The following PASK variants were observed in gnomAD, a reference collection of about 807,000 sequenced individuals.
PASK encodes the protein PAS domain containing serine/threonine kinase, also known as PAS domain-containing serine/threonine-protein kinase.
Under a neutral mutation model 121.0 loss-of-function variants are expected in PASK, and 110 were observed. That is an observed-to-expected ratio of 0.91 (90% CI 0.78 to 1.06). The LOEUF (loss-of-function observed/expected upper bound fraction) is 1.06, where lower values mean the gene tolerates loss of function less well. PASK is among the 50% of genes least tolerant of loss of function. The pLI is 0.00. For missense variants in PASK, 1,643 were observed against 1,702.3 expected (o/e 0.97, Z 0.61); for synonymous variants, 686 against 717.8 (o/e 0.96, Z 0.71).
At chr2:241,138,833 CCCAAA>C in intron 4 of PASK, 39 bp from the exon 5 acceptor site, 1 of 1,610,998 alleles carries the variant, frequency 6.2e-7, no homozygotes, top group Non-Finnish European at 8.5e-7. Flanking sequence ...ATGCCATGAA[CCCAAA>C]AGACCAGTAT....
intron 1 of PASK, among the ~76,000 whole-genome samples, chr2:241,147,192 A>G (rs1004823221): frequency 1.7e-4 from 26 of 152,346 alleles, no homozygotes; most frequent in African/African-American, 5.8e-4. Context: ...ACCTATAGAC[A>G]AAGCTCAGGA....
rs2066992557 is a variant in PASK, at chr2:241,147,144, A to C, written c.-43+2270T>G. ...TGCCATAATAAATAACAATGACATG[A>C]TTATAGTGTGAGGCAGTTTTTTCTA... is the stretch of plus-strand genomic sequence containing the variant. On this transcript the variant is annotated intron_variant, in intron 1 of 17. Coordinates refer to ENST00000234040, the MANE Select transcript of PASK (RefSeq NM_015148.4). 2.6e-5 allele frequency among the ~76,000 whole-genome samples: 4 copies of C among 152,308 alleles called. 1 individual carries two copies. In the South Asian group the frequency reaches 8.3e-4, roughly 32 times the overall value.
At position 241,132,859 on chromosome 2, in the gene PASK, C is replaced by T. The variant is rs1171661695; in HGVS notation, c.1463+15G>A. Reference sequence around the variant, plus strand: ...GACTTTTAGTAAACCTGCAACCTCCCACCAAGGGACTTACCCTGGAGCAGG... The same window carrying T: ...GACTTTTAGTAAACCTGCAACCTCCTACCAAGGGACTTACCCTGGAGCAGG... On this transcript the variant is annotated intron_variant, in intron 9 of 17. Coordinates refer to ENST00000234040, the MANE Select transcript of PASK (RefSeq NM_015148.4). The T allele has an allele frequency of 6.2e-7, 1 of 1,610,372 alleles. No homozygotes were observed. The highest frequency in any genetic ancestry group is 8.5e-7 in the Non-Finnish European group (1 of 1,176,572).
At chr2:241,148,024 G>A (rs1350055782) in intron 1 of PASK, among the ~76,000 whole-genome samples, 4 of 152,190 alleles carry the variant, frequency 2.6e-5, no homozygotes, top group Non-Finnish European at 4.4e-5. Context: ...AAAGAACAGA[G>A]TCTGGCTTCA....
intron 12 of PASK, chr2:241,118,728 C>T (rs1385236446): frequency 9.0e-6 from 2 of 223,462 alleles, no homozygotes; most frequent in Non-Finnish European, 1.8e-5. Flanking sequence ...TCCCAGTCTT[C>T]AGGAGCCCCC....
At chr2:241,139,431 C>A in intron 4 of PASK, 1 of 443,504 alleles carries the variant, frequency 2.3e-6, no homozygotes, top group Non-Finnish European at 4.7e-6. Flanking sequence ...CCAGGTTGGA[C>A]ACATGGCACA....
In PASK at chr2:241,115,084, G is replaced by A; in HGVS notation, c.3292C>T (p.Pro1098Ser). The A allele has an allele frequency of 6.2e-7, 1 of 1,614,134 alleles. No individual in the cohort carries two copies. The highest frequency in any genetic ancestry group is 8.5e-7 in the Non-Finnish European group (1 of 1,179,974). Residue 1098 changes from proline to serine, a missense_variant, in exon 14 of 18, where the codon CCC (proline) becomes TCC (serine). Physicochemically the swap from Pro to Ser is moderately conservative, Grantham distance 74. Coordinates refer to ENST00000234040, the MANE Select transcript of PASK (RefSeq NM_015148.4). ...CTCGCCAGGGGCTCATCCAGCCTGG[G>A]GTGGCGGTCGATGAAAGCGAAGAGG... ...LDLFAFIDRH[P>S]RLDEPLASYI... is the part of the protein sequence containing the mutation.
At chr2:241,114,667 G>C (rs1304674863) in intron 14 of PASK, 5 of 1,175,548 alleles carry the variant, frequency 4.3e-6, no homozygotes, top group African/African-American at 1.6e-5. Flanking sequence ...CATTTAGTGG[G>C]CACTTACAAC....
chr2:241,127,871 C>A, intron 9 of PASK: 1 of 300,394 alleles, frequency 3.3e-6, no homozygotes, highest in Non-Finnish European at 6.4e-6. Context: ...GTAAACTCCA[C>A]AACAGTAAAA....
chr2:241,115,687 AC>A (rs1156422971), intron 12 of PASK, among the ~76,000 whole-genome samples: 2,297 of 117,016 alleles, frequency 0.02, 43 homozygotes, highest in African/African-American at 0.044. Flanking sequence ...CACCAGGGCC[AC>A]CCAGTCCTCA....
intron 9 of PASK, 92 bp from the exon 10 acceptor site, chr2:241,127,543 A>C: frequency 9.4e-7 from 1 of 1,060,180 alleles, no homozygotes; most frequent in Non-Finnish European, 1.5e-6. Flanking sequence ...CTAAGTACAA[A>C]GCATTTAATG....
intron 12 of PASK, among the ~76,000 whole-genome samples, chr2:241,119,706 G>A (rs550119356): frequency 3.3e-5 from 5 of 152,016 alleles, no homozygotes; most frequent in Non-Finnish European, 4.4e-5. Context: ...TCCTGACCTC[G>A]TGATCCACCT....
intron 12 of PASK, among the ~76,000 whole-genome samples, chr2:241,119,527 T>A (rs2065516096): frequency 1.3e-5 from 2 of 150,270 alleles, no homozygotes. Flanking sequence ...TGGAGTGCAG[T>A]GGCGCAATCT....
chr2:241,119,230 A>G (rs978238353), intron 12 of PASK, among the ~76,000 whole-genome samples: 30 of 152,184 alleles, frequency 2.0e-4, no homozygotes, highest in Non-Finnish European at 1.6e-4. Context: ...GCGTCCGTCC[A>G]TGGCTGAGGC....
intron 9 of PASK, among the ~76,000 whole-genome samples, chr2:241,129,944 G>A (rs918358302): frequency 6.6e-6 from 1 of 152,240 alleles, no homozygotes; most frequent in Non-Finnish European, 1.5e-5. Flanking sequence ...CTGATGCCCA[G>A]TGTAACAATT....
intron 7 of PASK, 55 bp downstream of exon 7, chr2:241,136,949 G>A: frequency 6.4e-7 from 1 of 1,563,556 alleles, no homozygotes; most frequent in Non-Finnish European, 8.8e-7. Context: ...CCGCACTGCA[G>A]AGCACAGCAG....
rs368457284 is a variant in PASK at position 241,131,882 on chromosome 2, C to T, written c.1463+992G>A. On this transcript the variant is annotated intron_variant, in intron 9 of 17. Coordinates refer to ENST00000234040, the MANE Select transcript of PASK (RefSeq NM_015148.4). ...CAGTCTGGCCAACATAGTGAAACCCCGCCTCTAGTAAAAATACAAAAATTA... is the reference window on the plus strand; with the variant it reads ...CAGTCTGGCCAACATAGTGAAACCCTGCCTCTAGTAAAAATACAAAAATTA... Among the ~76,000 whole-genome samples the T allele has an allele frequency of 2.9e-4, 44 of 151,308 alleles. No homozygotes were observed. The East Asian group carries it at 7.1e-3, about 25-fold the overall frequency.
At position 241,127,360 on chromosome 2, in the gene PASK, G is replaced by A; in HGVS notation, c.1555C>T (p.Pro519Ser). The change falls in exon 10 of 18, where the codon CCT becomes TCT. Residue 519 changes from proline (P) to serine (S), a missense_variant. Pro to Ser is a moderately conservative substitution (Grantham distance 74). Coordinates refer to ENST00000234040, the MANE Select transcript of PASK (RefSeq NM_015148.4). ...TGTCCGGGGCTCTCTATTGCCACAG[G>A]TTCCTCTCTCCCCAAGGCAGTGATT... is the stretch of plus-strand genomic sequence containing the variant. ...QQITALGREE[P>S]VAIESPGQDL... The A allele has an allele frequency of 6.2e-7, 1 of 1,614,110 alleles. No individual in the cohort carries two copies. The highest frequency in any genetic ancestry group is 8.5e-7 in the Non-Finnish European group (1 of 1,179,968).
rs2240544 is a variant in PASK, at chr2:241,127,415, G to A, written c.1500C>T (p.His500=). ...DNVPEGSLPV[H]GEQALPKDQQ... ...GGTCCTTGGGCAGCGCCTGTTCACC[G>A]TGCACTGGCAGGCTTCCTTCTGGGA... is the stretch of plus-strand genomic sequence containing the variant. The change falls in exon 10 of 18, where the codon CAC becomes CAT. Residue 500 remains histidine, a synonymous_variant. Coordinates refer to ENST00000234040, the MANE Select transcript of PASK (RefSeq NM_015148.4). 0.065 allele frequency: 104,352 copies of A among 1,613,772 alleles called. 3,757 individuals are homozygous for A. Among genetic ancestry groups the A allele is most frequent in the East Asian group, 0.12 (5,361 of 44,878 alleles).
Sources: gnomAD v4.1 joint callset for allele counts (sites outside exome capture counted in the v4.1 genomes callset) on GRCh38, gnomAD v4.1.1 for gene constraint, MANE v1.5 for transcripts, NCBI Gene and HGNC (gene_info 2026-07-23, HGNC 2026-07-21) for gene names.